The following SIGLEC12 variants were observed in gnomAD, a reference collection of about 807,000 sequenced individuals.
The protein encoded by SIGLEC12 is sialic acid-binding Ig-like lectin 12.
Under a neutral mutation model 54.1 loss-of-function variants are expected in SIGLEC12, and 43 were observed. The ratio of observed to expected loss-of-function variants is 0.80; its 90% CI spans 0.62 to 1.03. SIGLEC12 has a LOEUF of 1.03. Ranked by LOEUF, SIGLEC12 falls within the 50% of genes least tolerant of loss-of-function variation. The pLI is 0.00. For missense variants in SIGLEC12, 802 were observed against 735.2 expected (o/e 1.09, Z -1.05); for synonymous variants, 357 against 307.6 (o/e 1.16, Z -1.68).
chr19:51,499,854 C>T, intron 2 of SIGLEC12, 66 bp downstream of exon 2: 1 of 1,552,460 alleles, frequency 6.4e-7, no homozygotes, highest in Non-Finnish European at 8.7e-7. Context: ...ATGGGGGTCC[C>T]ACCTCAGCCC....
chr19:51,494,587 T>C (rs1054064815), intron 7 of SIGLEC12, among the ~76,000 whole-genome samples: 4 of 152,172 alleles, frequency 2.6e-5, no homozygotes, highest in African/African-American at 9.7e-5. Flanking sequence ...AGAATAATCT[T>C]AGAGTCCAGA....
rs1005711842 is a variant in SIGLEC12 at position 51,497,095 on chromosome 19, G to A, written c.1503-119C>T. The A allele has an allele frequency of 4.6e-6, 7 of 1,506,232 alleles. No homozygotes were observed. The South Asian group carries it at 8.1e-5, about 17-fold the overall frequency. The allele number at this position is 1,506,232 out of a possible 1,614,324, so 93.3% of individuals were successfully genotyped here. ...GAGGGGTAACTGAGGCGGGAGGGGA[G>A]TGGTCCCATTCCAGAGACCCCAATG... On this transcript the variant is annotated intron_variant, in intron 6 of 7. Coordinates refer to ENST00000291707, the MANE Select transcript of SIGLEC12 (RefSeq NM_053003.4).
chr19:51,495,783 T>A (rs60118695), intron 7 of SIGLEC12, among the ~76,000 whole-genome samples: 17,554 of 152,186 alleles, frequency 0.12, 1,113 homozygotes, highest in Middle Eastern at 0.25. Context: ...AATGAATTAA[T>A]GAATGAAGGG....
intron 7 of SIGLEC12, among the ~76,000 whole-genome samples, chr19:51,493,311 T>C (rs1333860821): frequency 6.6e-6 from 1 of 152,212 alleles, no homozygotes; most frequent in Non-Finnish European, 1.5e-5. Context: ...TTTTGCTAGA[T>C]GCTCCACATC....
chr19:51,501,452 G>A lies in SIGLEC12; in HGVS notation c.282C>T (p.His94=), dbSNP rs770869287. 16 of 1,614,102 alleles carry A rather than the reference G, an allele frequency of 9.9e-6. No individual in the cohort carries two copies. In the African/African-American group the frequency reaches 1.7e-4, roughly 18 times the overall value. The part of the protein sequence containing the change: ...AVQEETRDRF[H]LLGDPQNKDC... ...CCTTGTTCTGTGGGTCCCCAAGGAG[G>A]TGGAATCGGTCCCGAGTCTCCTCCT... Residue 94 remains histidine (H), a synonymous_variant, in exon 1 of 8, where the codon CAC becomes CAT. Coordinates refer to ENST00000291707, the MANE Select transcript of SIGLEC12 (RefSeq NM_053003.4).
At chr19:51,493,169 T>C (rs1198566118) in intron 7 of SIGLEC12, among the ~76,000 whole-genome samples, 1 of 147,022 alleles carries the variant, frequency 6.8e-6, no homozygotes, top group African/African-American at 2.5e-5. Context: ...AATGTCCGTC[T>C]TGCAGTCTTC....
chr19:51,491,788 G>T lies in SIGLEC12; in HGVS notation c.1641C>A (p.His547Gln). 1 of 1,600,096 alleles carries T rather than the reference G, an allele frequency of 6.2e-7. No homozygotes were observed. ...GGGTGGCCAGGGCTGGCGGAGCATG[G>T]TGTGGGGGGCTGTCATCTGCCGGGG... is the stretch of plus-strand genomic sequence containing the variant. ...IESPADDSPP[H>Q]HAPPALATPS... Residue 547 changes from histidine to glutamine, a missense_variant, in exon 8 of 8, where the codon CAC (histidine) becomes CAA (glutamine). Transcript: ENST00000291707.
Position 51,501,400 on chromosome 19 carries a change from T to C in SIGLEC12, c.334A>G (p.Arg112Gly), listed in dbSNP as rs1990391366. The change falls in exon 1 of 8, where the codon AGA becomes GGA. Residue 112 changes from arginine (R) to glycine (G), a missense_variant. Transcript: ENST00000291707. ...ACGTATGTCCCTGCATCACTCTCTCTGGTGTCTCTGATGCTCAGGGTACAA... is the reference window on the plus strand; with the variant it reads ...ACGTATGTCCCTGCATCACTCTCTCCGGTGTCTCTGATGCTCAGGGTACAA... ...KDCTLSIRDT[R>G]ESDAGTYVFC... 2 of 1,614,104 alleles carry C rather than the reference T, an allele frequency of 1.2e-6. No homozygotes were observed. Among genetic ancestry groups the C allele is most frequent in the African/African-American group, 1.3e-5 (1 of 74,920 alleles).
intron 7 of SIGLEC12, 123 bp downstream of exon 7, chr19:51,496,757 G>A: frequency 1.9e-6 from 2 of 1,052,852 alleles, no homozygotes; most frequent in Non-Finnish European, 2.9e-6. Flanking sequence ...GGAGGAAAAA[G>A]TGGACAGGAC....
intron 7 of SIGLEC12, among the ~76,000 whole-genome samples, chr19:51,495,396 GATGGGTGGGTGGGTGGGTGGATGGA>G (rs1990214868): frequency 8.8e-6 from 1 of 113,222 alleles, no homozygotes; most frequent in Non-Finnish European, 1.9e-5. Flanking sequence ...TGGATGGATG[GATGGGTGGGTGGGTGGGTGGATGGA>G]TGGATGGATG....
intron 1 of SIGLEC12, among the ~76,000 whole-genome samples, chr19:51,500,609 C>T (rs1990369730): frequency 6.6e-6 from 1 of 152,116 alleles, no homozygotes; most frequent in Non-Finnish European, 1.5e-5. Flanking sequence ...AGACCGTGTC[C>T]CGCCTCCTAC....
At chr19:51,500,376 C>T in intron 1 of SIGLEC12, 76 bp from the exon 2 acceptor site, 1 of 1,611,568 alleles carries the variant, frequency 6.2e-7, no homozygotes, top group Non-Finnish European at 8.5e-7. Context: ...AGCAGCATCT[C>T]TGAGGCAGAG....
At chr19:51,498,847 G>T (rs1181606283) in intron 4 of SIGLEC12, among the ~76,000 whole-genome samples, 2 of 152,188 alleles carry the variant, frequency 1.3e-5, no homozygotes, top group East Asian at 3.8e-4. Flanking sequence ...GTATCCAAAA[G>T]AATATACCTC....
At chr19:51,500,506 A>T in intron 1 of SIGLEC12, 1 of 799,544 alleles carries the variant, frequency 1.3e-6, no homozygotes. Context: ...GAGAAACTGC[A>T]AACCCACATG....
intron 1 of SIGLEC12, among the ~76,000 whole-genome samples, chr19:51,500,642 A>G (rs1990370570): frequency 6.6e-6 from 1 of 152,128 alleles, no homozygotes; most frequent in Non-Finnish European, 1.5e-5. Context: ...CTGAAGCACC[A>G]GGGCCTGCAC....
rs760884270 is a variant in SIGLEC12, at chr19:51,500,307, A to G, written c.428-7T>C. 1.2e-6 allele frequency: 2 copies of G among 1,614,092 alleles called. No individual in the cohort carries two copies. The highest frequency in any genetic ancestry group is 1.7e-6 in the Non-Finnish European group (2 of 1,179,992). On this transcript the variant is annotated splice_polypyrimidine_tract_variant and splice_region_variant and intron_variant, in intron 1 of 7. Coordinates refer to ENST00000291707, the MANE Select transcript of SIGLEC12 (RefSeq NM_053003.4). ...GACAGTAGGTCCTGGGACGCTGTGG[A>G]GAAACGAGGGTCAGCCCAGCCCCCA... is the stretch of plus-strand genomic sequence containing the variant.
chr19:51,499,838 C>G, intron 2 of SIGLEC12, 82 bp downstream of exon 2: 1 of 1,545,572 alleles, frequency 6.5e-7, no homozygotes, highest in Middle Eastern at 1.7e-4. Flanking sequence ...CCAACTCCCT[C>G]CCAGGATGGG....
In SIGLEC12 at chr19:51,497,873, C is replaced by T. The variant is rs2066155885; in HGVS notation, c.1405+145G>A. 8.5e-6 allele frequency: 10 copies of T among 1,178,672 alleles called. No homozygotes were observed. The South Asian group carries it at 1.4e-4, about 17-fold the overall frequency. 73.0% of individuals were successfully genotyped at this position (1,178,672 alleles called of 1,614,324 possible). A position where few individuals can be genotyped will look rare whatever the true frequency, so the allele number is the denominator to read the frequency against. On this transcript the variant is annotated intron_variant, in intron 5 of 7. Coordinates refer to ENST00000291707, the MANE Select transcript of SIGLEC12 (RefSeq NM_053003.4). ...CCCAGCTCCTCCCCTCCAAGATTAA[C>T]TCCTCCCCTCTCCCCACCCCGCACT...
rs1990347663 is a variant in SIGLEC12, at chr19:51,499,934, G to C, written c.794C>G (p.Ser265Cys). The C allele has an allele frequency of 6.2e-7, 1 of 1,611,208 alleles. No homozygotes were observed. Among genetic ancestry groups the C allele is most frequent in the African/African-American group, 1.3e-5 (1 of 74,902 alleles). ...CAGAGATTTACCTGTCACATGCACAGAGAGCTTGTCATATATGTAGTTCCA... is the reference window on the plus strand; with the variant it reads ...CAGAGATTTACCTGTCACATGCACACAGAGCTTGTCATATATGTAGTTCCA... ...RKWNYIYDKL[S>C]VHVTALTHMP... The change falls in exon 2 of 8, where the codon TCT becomes TGT. Residue 265 changes from serine to cysteine, a missense_variant. By Grantham distance (112) the Ser-to-Cys change is moderately radical. Transcript: ENST00000291707.
Sources: allele counts gnomAD v4.1 joint callset (sites outside exome capture counted in the v4.1 genomes callset), GRCh38; gene constraint gnomAD v4.1.1; transcripts MANE v1.5; gene names NCBI Gene and HGNC (gene_info 2026-07-23, HGNC 2026-07-21).